Variants in SYDE2 observed in about 807,000 individuals in gnomAD.
SYDE2 encodes synapse defective Rho GTPase homolog 2, also known as rho GTPase-activating protein SYDE2.
Under a neutral mutation model 91.5 loss-of-function variants are expected in SYDE2, and 76 were observed. The observed-to-expected ratio is 0.83, with a 90% CI of 0.69 to 1.01. The LOEUF (loss-of-function observed/expected upper bound fraction) is 1.01, where lower values mean the gene tolerates loss of function less well. Ranked by LOEUF, SYDE2 falls within the 50% of genes least tolerant of loss-of-function variation. The probability of loss-of-function intolerance (pLI) is 0.00; values close to 1 mark genes in which losing one functional copy is unlikely to be tolerated. For synonymous variants in SYDE2, 513 were observed against 506.4 expected, an observed-to-expected ratio of 1.01 and a Z score of -0.18; for missense variants, 1,364 against 1,367.7, an observed-to-expected ratio of 1.00 and a Z score of 0.04.
Position 85,183,014 on chromosome 1 carries a change from A to C in SYDE2, c.1628T>G (p.Leu543Arg), listed in dbSNP as rs770858919. The C allele has an allele frequency of 1.9e-6, 3 of 1,612,978 alleles. No individual in the cohort carries two copies. Among genetic ancestry groups the C allele is most frequent in the Non-Finnish European group, 2.5e-6 (3 of 1,179,642 alleles). ...ATAATTCAATGTTCCCTTAACGCTTAGCTTTCGGCTAAATTCTGGCAACTT... is the reference window on the plus strand; with the variant it reads ...ATAATTCAATGTTCCCTTAACGCTTCGCTTTCGGCTAAATTCTGGCAACTT... Reference protein sequence around the residue: ...MKKLPEFSRKLSVKGTLNYIN... With the variant: ...MKKLPEFSRKRSVKGTLNYIN... The change falls in exon 3 of 7, where the codon CTA becomes CGA. Residue 543 changes from leucine (L) to arginine (R), a missense_variant. Transcript: ENST00000341460.
At chr1:85,196,876 A>C (rs1658606109) in intron 1 of SYDE2, among the ~76,000 whole-genome samples, 1 of 152,200 alleles carries the variant, frequency 6.6e-6, no homozygotes, top group South Asian at 2.1e-4. Context: ...AGATCATACC[A>C]AACTAATTAA....
At chr1:85,193,119 A>G (rs1184848932) in intron 1 of SYDE2, among the ~76,000 whole-genome samples, 1 of 152,234 alleles carries the variant, frequency 6.6e-6, no homozygotes, top group Non-Finnish European at 1.5e-5. Context: ...GGGAAATTCA[A>G]AAGTCTTTCT....
chr1:85,171,851 C>T (rs952630308), intron 4 of SYDE2, among the ~76,000 whole-genome samples: 1 of 151,786 alleles, frequency 6.6e-6, no homozygotes, highest in African/African-American at 2.4e-5. Flanking sequence ...AAGAAATAGA[C>T]AAAGAAATGC....
rs1488614156 is a variant in SYDE2, at chr1:85,174,536, T to C, written c.2671+3610A>G. Among the ~76,000 whole-genome samples the C allele has an allele frequency of 2.0e-5, 3 of 152,214 alleles. No homozygotes were observed. The South Asian group carries it at 6.2e-4, about 31-fold the overall frequency. Reference sequence around the variant, plus strand: ...CATTCTCTCACATACAAAACTTATATAGGTAGTAAAGATACAGTTGATTAG... The same window carrying C: ...CATTCTCTCACATACAAAACTTATACAGGTAGTAAAGATACAGTTGATTAG... On this transcript the variant is annotated intron_variant, in intron 4 of 6. Transcript: ENST00000341460.
intron 1 of SYDE2, among the ~76,000 whole-genome samples, chr1:85,199,911 A>G (rs1396968893): frequency 6.6e-6 from 1 of 152,236 alleles, no homozygotes; most frequent in Non-Finnish European, 1.5e-5. Context: ...AAATCAAGAC[A>G]GTGCCGCCCA....
chr1:85,199,304 ATGT>A lies in SYDE2; in HGVS notation c.745+945_745+947del, dbSNP rs757667860. ...TATATGTAAGAGTATTCAAAAGACC[ATGT>A]TGTTTTGGCTCACTTTGAAGATATT... On this transcript the variant is annotated intron_variant, in intron 1 of 6. Transcript: ENST00000341460. Among the ~76,000 whole-genome samples the A allele has an allele frequency of 7.9e-5, 12 of 152,320 alleles. 1 individual carries two copies. The highest frequency in any genetic ancestry group is 2.0e-4 in the Admixed American group (3 of 15,306).
chr1:85,198,385 T>A (rs1001338328), intron 1 of SYDE2, among the ~76,000 whole-genome samples: 6 of 152,134 alleles, frequency 3.9e-5, no homozygotes, highest in East Asian at 1.9e-4. Flanking sequence ...ATAATTTTTT[T>A]AAAAAGCTCT....
At chr1:85,172,229 T>C (rs1025358847) in intron 4 of SYDE2, among the ~76,000 whole-genome samples, 5 of 152,264 alleles carry the variant, frequency 3.3e-5, no homozygotes, top group Admixed American at 2.0e-4. Context: ...CAAGTTCCCA[T>C]CTGATGGCTT....
At chr1:85,180,697 A>G (rs145522533) in intron 3 of SYDE2, among the ~76,000 whole-genome samples, 3,159 of 152,172 alleles carry the variant, frequency 0.021, 42 homozygotes, top group Non-Finnish European at 0.032. Flanking sequence ...CTCAAAAAAA[A>G]AAAAAAATAC....
intron 4 of SYDE2, among the ~76,000 whole-genome samples, chr1:85,173,438 GT>G (rs1657574766): frequency 6.6e-6 from 1 of 152,146 alleles, no homozygotes; most frequent in African/African-American, 2.4e-5. Flanking sequence ...ATACATTTCT[GT>G]TGTTTTAGCC....
intron 3 of SYDE2, 95 bp from the exon 4 acceptor site, chr1:85,178,367 CTGA>C: frequency 1.8e-6 from 2 of 1,133,036 alleles, no homozygotes; most frequent in Middle Eastern, 2.0e-4. Context: ...CAAATATGTT[CTGA>C]TGTCATTTAA....
chr1:85,184,596 T>C (rs1557753308), intron 2 of SYDE2, among the ~76,000 whole-genome samples: 1 of 150,174 alleles, frequency 6.7e-6, no homozygotes, highest in Non-Finnish European at 1.5e-5. Flanking sequence ...AGATAAAAGA[T>C]ACATATATAT....
intron 5 of SYDE2, among the ~76,000 whole-genome samples, chr1:85,167,054 TACAA>T (rs1657307094): frequency 2.0e-5 from 3 of 151,730 alleles, no homozygotes; most frequent in Non-Finnish European, 2.9e-5. Flanking sequence ...CTACAAAACA[TACAA>T]AAAAAATTAG....
chr1:85,199,446 G>A (rs762167124), intron 1 of SYDE2, among the ~76,000 whole-genome samples: 2 of 152,146 alleles, frequency 1.3e-5, no homozygotes, highest in African/African-American at 2.4e-5. Flanking sequence ...AAAATAGGGA[G>A]CTTAATCCTA....
intron 1 of SYDE2, among the ~76,000 whole-genome samples, chr1:85,191,282 G>A (rs141659862): frequency 1.3e-5 from 2 of 152,224 alleles, no homozygotes; most frequent in African/African-American, 4.8e-5. Context: ...GGCACCTTAT[G>A]TAGGGTTTAA....
chr1:85,154,020 A>G (rs911185243), downstream of SYDE2: 2 of 152,152 alleles, frequency 1.3e-5, no homozygotes, highest in African/African-American at 4.8e-5. Context: ...CAATCAAGAA[A>G]TCTGACTTGT....
chr1:85,188,028 TA>T (rs530323287), intron 2 of SYDE2, among the ~76,000 whole-genome samples: 122 of 150,860 alleles, frequency 8.1e-4, no homozygotes, highest in South Asian at 1.5e-3. Context: ...TAAATTAAAT[TA>T]AAAAAAAAGT....
At chr1:85,174,723 A>G (rs1488377965) in intron 4 of SYDE2, among the ~76,000 whole-genome samples, 1 of 151,808 alleles carries the variant, frequency 6.6e-6, no homozygotes, top group African/African-American at 2.4e-5. Context: ...AATGGCTCTC[A>G]TAAACAATCT....
At chr1:85,187,614 C>G (rs1218153720) in intron 2 of SYDE2, among the ~76,000 whole-genome samples, 3 of 150,802 alleles carry the variant, frequency 2.0e-5, no homozygotes, top group Non-Finnish European at 4.4e-5. Context: ...TTGGAACCAA[C>G]CCAAATGTCC....
Sources: gnomAD v4.1 joint callset for allele counts (sites outside exome capture counted in the v4.1 genomes callset) on GRCh38, gnomAD v4.1.1 for gene constraint, MANE v1.5 for transcripts, NCBI Gene and HGNC (gene_info 2026-07-23, HGNC 2026-07-21) for gene names.